UBE2D3: variants seen among roughly 807,000 people sequenced by gnomAD.
UBE2D3 encodes the protein ubiquitin conjugating enzyme E2 D3.
A neutral mutation model predicts 22.8 loss-of-function variants in UBE2D3; 2 were observed. The ratio of observed to expected loss-of-function variants is 0.09; its 90% CI spans 0.04 to 0.28. The LOEUF is 0.28. UBE2D3 is among the 10% of genes least tolerant of loss of function. The pLI is 1.00. For synonymous variants in UBE2D3, 56 were observed against 60.4 expected, an observed-to-expected ratio of 0.93 and a Z score of 0.34; for missense variants, 27 against 182.5, an observed-to-expected ratio of 0.15 and a Z score of 4.91.
intron 4 of UBE2D3, among the ~76,000 whole-genome samples, chr4:102,808,424 G>A (rs532962235): frequency 2.0e-5 from 3 of 152,188 alleles, no homozygotes; most frequent in African/African-American, 7.2e-5. Flanking sequence ...GTTATTACAG[G>A]ACTATTTTTA....
chr4:102,820,129 G>A (rs1001317497), intron 2 of UBE2D3, among the ~76,000 whole-genome samples: 2 of 152,204 alleles, frequency 1.3e-5, no homozygotes, highest in African/African-American at 4.8e-5. Context: ...ATACAAAGGT[G>A]CGAACCAACA....
intron 1 of UBE2D3, among the ~76,000 whole-genome samples, chr4:102,832,610 A>G (rs970136824): frequency 1.3e-5 from 2 of 151,836 alleles, no homozygotes; most frequent in African/African-American, 4.8e-5. Context: ...CACTAATAAG[A>G]GAGAGTACAG....
intron 1 of UBE2D3, among the ~76,000 whole-genome samples, chr4:102,860,601 T>C (rs1225163353): frequency 6.6e-6 from 1 of 151,952 alleles, no homozygotes. Context: ...TCCATTCCTC[T>C]TGTTCTGTCT....
chr4:102,867,729 A>G (rs1275853048), intron 1 of UBE2D3, among the ~76,000 whole-genome samples: 2 of 152,126 alleles, frequency 1.3e-5, no homozygotes, highest in Non-Finnish European at 2.9e-5. Flanking sequence ...AGCCGGAGTT[A>G]GAGTCTGCGG....
chr4:102,827,596 TCAC>T (rs1374411190), upstream of UBE2D3: 3 of 987,084 alleles, frequency 3.0e-6, no homozygotes, highest in Non-Finnish European at 3.6e-6. Flanking sequence ...TCCTGCCTCT[TCAC>T]CGCCGCGGAT....
chr4:102,857,025 A>G (rs1732653523), intron 1 of UBE2D3, among the ~76,000 whole-genome samples: 1 of 152,212 alleles, frequency 6.6e-6, no homozygotes, highest in African/African-American at 2.4e-5. Flanking sequence ...TACAGCACAG[A>G]GTGACCCCTA....
chr4:102,833,385 C>A (rs539538032), intron 1 of UBE2D3, among the ~76,000 whole-genome samples: 1 of 152,268 alleles, frequency 6.6e-6, no homozygotes, highest in South Asian at 2.1e-4. Context: ...CTGCCTCAGA[C>A]AAAATACTAT....
chr4:102,853,697 T>C (rs1338618556), intron 1 of UBE2D3, among the ~76,000 whole-genome samples: 3 of 152,184 alleles, frequency 2.0e-5, no homozygotes, highest in East Asian at 3.8e-4. Context: ...GGTGGTGTTA[T>C]GAGAAATTGG....
intron 1 of UBE2D3, among the ~76,000 whole-genome samples, chr4:102,842,736 C>T (rs1731825005): frequency 6.6e-6 from 1 of 152,114 alleles, no homozygotes; most frequent in Admixed American, 6.5e-5. Flanking sequence ...AAATATGTGG[C>T]AGGCGTCTTT....
chr4:102,824,659 G>C (rs1048773056), intron 2 of UBE2D3, among the ~76,000 whole-genome samples: 6 of 152,112 alleles, frequency 3.9e-5, no homozygotes, highest in African/African-American at 1.4e-4. Context: ...ACAGCAGCTG[G>C]GTATGACCTG....
Position 102,827,124 on chromosome 4 carries a change from T to G in UBE2D3, c.-129+303A>C, listed in dbSNP as rs959313148. On this transcript the variant is annotated intron_variant, in intron 1 of 7. Transcript: ENST00000453744. ...GCTATCCTCGCAGCGAGCTATTCTGTGTCACCCCTGACGCCACCGTACACT... is the reference window on the plus strand; with the variant it reads ...GCTATCCTCGCAGCGAGCTATTCTGGGTCACCCCTGACGCCACCGTACACT... 3.0e-6 allele frequency: 3 copies of G among 986,500 alleles called. No homozygotes were observed. The African/African-American group carries it at 5.2e-5, about 17-fold the overall frequency. The allele number at this position is 986,500 out of a possible 1,614,324, so 61.1% of individuals were successfully genotyped here.
chr4:102,845,653 A>T (rs965993337), intron 1 of UBE2D3, among the ~76,000 whole-genome samples: 3 of 152,194 alleles, frequency 2.0e-5, no homozygotes, highest in South Asian at 2.1e-4. Context: ...TTGGTAGGTT[A>T]CTTTATTATA....
chr4:102,827,683 C>G (rs1039745843), upstream of UBE2D3: 1 of 985,818 alleles, frequency 1.0e-6, no homozygotes, highest in South Asian at 4.7e-5. Context: ...TTCCCACGTC[C>G]GGGGCCGAGT....
chr4:102,809,717 A>G lies in UBE2D3; in HGVS notation c.89-14T>C. ...GCCAATGAAACACTAGAAAAAGAAA[A>G]AAAACTCTGGTTATCTAAAAATGCA... On this transcript the variant is annotated splice_polypyrimidine_tract_variant and intron_variant, in intron 3 of 7. Transcript: ENST00000453744. 3 of 1,613,092 alleles carry G rather than the reference A, an allele frequency of 1.9e-6. No homozygotes were observed. The highest frequency in any genetic ancestry group is 2.5e-6 in the Non-Finnish European group (3 of 1,179,770).
intron 1 of UBE2D3, among the ~76,000 whole-genome samples, chr4:102,838,332 C>T (rs1174232520): frequency 2.6e-5 from 4 of 152,112 alleles, no homozygotes; most frequent in African/African-American, 4.8e-5. Flanking sequence ...ATAGTGTGCA[C>T]CTCTTCCCAG....
intron 1 of UBE2D3, among the ~76,000 whole-genome samples, chr4:102,834,526 G>A (rs1342769925): frequency 6.6e-6 from 1 of 152,008 alleles, no homozygotes; most frequent in Non-Finnish European, 1.5e-5. Flanking sequence ...AGGCAGGGTG[G>A]ATTGCTTAAA....
intron 2 of UBE2D3, among the ~76,000 whole-genome samples, chr4:102,818,079 C>A (rs909977716): frequency 2.6e-5 from 4 of 152,150 alleles, no homozygotes; most frequent in Non-Finnish European, 1.5e-5. Context: ...GTGCTGACTA[C>A]CCCTCACCTA....
At chr4:102,818,774 A>G (rs1729126890) in intron 2 of UBE2D3, among the ~76,000 whole-genome samples, 1 of 152,040 alleles carries the variant, frequency 6.6e-6, no homozygotes, top group African/African-American at 2.4e-5. Flanking sequence ...ATTCTGAAAC[A>G]TTCCTTACAT....
chr4:102,853,135 A>ATTTTTTTTTTTT lies in UBE2D3; in HGVS notation c.-129+15568_-129+15579dup, dbSNP rs151339235. ...GTCAAAATTACACACAAACACACAC[A>ATTTTTTTTTTTT]TTTTTTTTTTTTTTTTTTTTTTTTT... is the stretch of plus-strand genomic sequence containing the variant. On this transcript the variant is annotated intron_variant, in intron 1 of 7. Transcript: ENST00000338145. Among the ~76,000 whole-genome samples the ATTTTTTTTTTTT allele has an allele frequency of 1.7e-4, 15 of 88,598 alleles. 2 individuals carry two copies. The highest frequency in any genetic ancestry group is 1.0e-3 in the East Asian group (3 of 2,940). 58.1% of individuals were successfully genotyped at this position (88,598 alleles called of 152,430 possible).
Sources: allele counts gnomAD v4.1 joint callset (sites outside exome capture counted in the v4.1 genomes callset), GRCh38; gene constraint gnomAD v4.1.1; transcripts MANE v1.5; gene names NCBI Gene and HGNC (gene_info 2026-07-23, HGNC 2026-07-21).